Variants in NEK11 observed in about 807,000 individuals in gnomAD.
NEK11 encodes NIMA related kinase 11.
A neutral mutation model predicts 80.7 loss-of-function variants in NEK11; 72 were observed. That is an observed-to-expected ratio of 0.89 (90% CI 0.74 to 1.08). The LOEUF is 1.08. Ranked by LOEUF, NEK11 falls within the 50% of genes least tolerant of loss-of-function variation. NEK11 has a pLI of 0.00. For synonymous variants in NEK11, 251 were observed against 260.7 expected (o/e 0.96, Z 0.36); for missense variants, 764 against 763.6 (o/e 1.00, Z -0.01).
chr3:131,113,615 A>T (rs1366548509), intron 5 of NEK11, among the ~76,000 whole-genome samples: 1 of 151,920 alleles, frequency 6.6e-6, no homozygotes, highest in Non-Finnish European at 1.5e-5. Flanking sequence ...ATTTTTGGGG[A>T]AAAAAAGAAA....
intron 17 of NEK11, among the ~76,000 whole-genome samples, chr3:131,345,620 A>T (rs970909343): frequency 6.6e-6 from 1 of 152,212 alleles, no homozygotes; most frequent in Non-Finnish European, 1.5e-5. Context: ...GGAAAACAAT[A>T]TAGAGGTTCC....
rs200719678 is a variant in NEK11 at position 131,046,578 on chromosome 3, C to CT, written c.170+16712dup. On this transcript the variant is annotated intron_variant, in intron 3 of 17. Coordinates refer to ENST00000383366, the MANE Select transcript of NEK11 (RefSeq NM_024800.5). ...GTATCTGGTTTCCAATAAAGTGATT[C>CT]TTTTTTTTTTTTCTTAATTATACTT... 7.9e-3 allele frequency among the ~76,000 whole-genome samples: 1,159 copies of CT among 146,468 alleles called. 16 individuals carry two copies. Among genetic ancestry groups the CT allele is most frequent in the African/African-American group, 0.026 (1,027 of 40,038 alleles).
rs577744185 is a variant in NEK11 at position 131,119,967 on chromosome 3, C to T, written c.455+10046C>T. On this transcript the variant is annotated intron_variant, in intron 5 of 17. Coordinates refer to ENST00000383366, the MANE Select transcript of NEK11 (RefSeq NM_024800.5). Reference sequence around the variant, plus strand: ...TCTGTGTCTTTTAATTGGAGCATTTCGCCCATTTACATTTATGGTTAATAT... The same window carrying T: ...TCTGTGTCTTTTAATTGGAGCATTTTGCCCATTTACATTTATGGTTAATAT... Among the ~76,000 whole-genome samples, 83 of 152,224 alleles carry T rather than the reference C, an allele frequency of 5.5e-4. 1 individual carries two copies. The highest frequency in any genetic ancestry group is 4.1e-3 in the South Asian group (20 of 4,820).
At chr3:131,031,096 C>T (rs1032224156) in intron 3 of NEK11, among the ~76,000 whole-genome samples, 5 of 152,168 alleles carry the variant, frequency 3.3e-5, no homozygotes, top group Admixed American at 2.6e-4. Flanking sequence ...AAACACTTTT[C>T]TACATCTTCA....
intron 7 of NEK11, among the ~76,000 whole-genome samples, chr3:131,142,976 T>C (rs985965451): frequency 1.4e-4 from 21 of 152,252 alleles, no homozygotes; most frequent in African/African-American, 3.9e-4. Flanking sequence ...ATTTTATGGG[T>C]CGTATTCCCT....
Position 131,139,528 on chromosome 3 carries a change from A to G in NEK11, c.647+5572A>G, listed in dbSNP as rs116413279. On this transcript the variant is annotated intron_variant, in intron 7 of 17. Transcript: ENST00000383366. Reference sequence around the variant, plus strand: ...TGAATCTAGAAAAAGATATTAATATATAAGTATAAGAAGGTTATAGAAGAC... The same window carrying G: ...TGAATCTAGAAAAAGATATTAATATGTAAGTATAAGAAGGTTATAGAAGAC... Among the ~76,000 whole-genome samples, 1,280 of 152,244 alleles carry G rather than the reference A, an allele frequency of 8.4e-3. 17 individuals carry two copies. The highest frequency in any genetic ancestry group is 0.029 in the African/African-American group (1,213 of 41,560).
chr3:131,111,866 T>C (rs1201813695), intron 5 of NEK11, among the ~76,000 whole-genome samples: 1 of 152,150 alleles, frequency 6.6e-6, no homozygotes. Flanking sequence ...CTATGTAATG[T>C]TGTTGTTATA....
At chr3:131,287,941 C>T (rs2096493094) in intron 17 of NEK11, among the ~76,000 whole-genome samples, 1 of 152,162 alleles carries the variant, frequency 6.6e-6, no homozygotes, top group Non-Finnish European at 1.5e-5. Flanking sequence ...CATGTTCCTG[C>T]CATAGAAACT....
intron 16 of NEK11, among the ~76,000 whole-genome samples, chr3:131,271,157 G>T (rs1400121894): frequency 6.6e-6 from 1 of 152,172 alleles, no homozygotes; most frequent in Admixed American, 6.5e-5. Flanking sequence ...TTCTCTCCAG[G>T]TGTGGAAGGG....
intron 7 of NEK11, among the ~76,000 whole-genome samples, chr3:131,147,270 CG>C (rs755197103): frequency 4.6e-5 from 7 of 151,906 alleles, no homozygotes; most frequent in Non-Finnish European, 1.0e-4. Context: ...AATCCAAGTA[CG>C]TTTTTTTCTA....
chr3:131,093,680 A>G (rs1266761299), intron 4 of NEK11, among the ~76,000 whole-genome samples: 1 of 152,166 alleles, frequency 6.6e-6, no homozygotes, highest in African/African-American at 2.4e-5. Flanking sequence ...TGCTGGGATT[A>G]CAGGCGTGAG....
At chr3:131,184,494 G>C (rs1295644857) in intron 14 of NEK11, among the ~76,000 whole-genome samples, 1 of 152,184 alleles carries the variant, frequency 6.6e-6, no homozygotes, top group Non-Finnish European at 1.5e-5. Flanking sequence ...AACTAGTTCA[G>C]AGTTGGTGTT....
At chr3:131,123,078 A>G (rs1201862817) in intron 5 of NEK11, among the ~76,000 whole-genome samples, 1 of 152,196 alleles carries the variant, frequency 6.6e-6, no homozygotes, top group Non-Finnish European at 1.5e-5. Flanking sequence ...TCATTTTCAT[A>G]TACTTCAAAG....
chr3:131,041,419 G>A (rs928065453), intron 3 of NEK11, among the ~76,000 whole-genome samples: 6 of 152,092 alleles, frequency 3.9e-5, no homozygotes, highest in Non-Finnish European at 7.4e-5. Flanking sequence ...TATTCAAAAG[G>A]TTTTGAAAAC....
chr3:131,207,932 C>G (rs780627990), intron 14 of NEK11, among the ~76,000 whole-genome samples: 4 of 152,000 alleles, frequency 2.6e-5, no homozygotes, highest in African/African-American at 4.8e-5. Context: ...TCACTCTGAT[C>G]GTGGTTTCTT....
intron 17 of NEK11, among the ~76,000 whole-genome samples, chr3:131,311,224 T>G (rs2096779465): frequency 6.6e-6 from 1 of 152,228 alleles, no homozygotes; most frequent in African/African-American, 2.4e-5. Flanking sequence ...AGGATATCCA[T>G]GACCTAGAGC....
At chr3:131,203,798 TATATATATATATATATATATATATATATA>T in intron 14 of NEK11, among the ~76,000 whole-genome samples, 6 of 10,982 alleles carry the variant, frequency 5.5e-4, no homozygotes, top group Non-Finnish European at 5.2e-4. Flanking sequence ...TATATATATA[TATATATATATATATATATATATATATATA>T]AAGTTTTCAC....
intron 12 of NEK11, among the ~76,000 whole-genome samples, chr3:131,168,297 G>A (rs1458454020): frequency 6.6e-6 from 1 of 151,360 alleles, no homozygotes; most frequent in African/African-American, 2.4e-5. Context: ...TGCAGATTCT[G>A]ATTCAATTAG....
intron 16 of NEK11, among the ~76,000 whole-genome samples, chr3:131,258,903 A>G (rs2095863804): frequency 6.6e-6 from 1 of 152,202 alleles, no homozygotes; most frequent in South Asian, 2.1e-4. Context: ...ATACACTGAG[A>G]AGCTGCTCCA....
Sources: allele counts gnomAD v4.1 joint callset (sites outside exome capture counted in the v4.1 genomes callset), GRCh38; gene constraint gnomAD v4.1.1; transcripts MANE v1.5; gene names NCBI Gene and HGNC (gene_info 2026-07-23, HGNC 2026-07-21).